The following COL23A1 variants were observed in gnomAD, a reference collection of about 807,000 sequenced individuals.
COL23A1 encodes the protein collagen type XXIII alpha 1 chain.
COL23A1 carries 97 observed loss-of-function variants against 99.3 expected under a neutral mutation model. That is an observed-to-expected ratio of 0.98 (90% CI 0.83 to 1.16). The LOEUF (loss-of-function observed/expected upper bound fraction) is 1.16. Ranked by LOEUF, COL23A1 falls within the 50% of genes most tolerant of loss-of-function variation. The pLI is 0.00. For synonymous variants in COL23A1, 320 were observed against 308.2 expected (o/e 1.04, Z -0.40); for missense variants, 762 against 757.4 (o/e 1.01, Z -0.07).
Position 178,391,229 on chromosome 5 carries a change from T to C in COL23A1, c.362-84310A>G, listed in dbSNP as rs114340587. On this transcript the variant is annotated intron_variant, in intron 2 of 28. Coordinates refer to ENST00000390654, the MANE Select transcript of COL23A1 (RefSeq NM_173465.4). ...ACCCTTGTCTGTGGAAAAATTGTTT[T>C]CCACGAAACCAGTCCATGGCACCAA... Among the ~76,000 whole-genome samples the C allele has an allele frequency of 4.8e-3, 730 of 152,304 alleles. 10 individuals are homozygous for C. The highest frequency in any genetic ancestry group is 0.017 in the African/African-American group (691 of 41,560).
chr5:178,255,178 G>A lies in COL23A1; in HGVS notation c.883-152C>T, dbSNP rs1765237971. On this transcript the variant is annotated intron_variant, in intron 15 of 28. Coordinates refer to ENST00000390654, the MANE Select transcript of COL23A1 (RefSeq NM_173465.4). This position sits in a 1 kb window ranked among gnomAD's most constrained non-coding sequence, Gnocchi z 4.2. ...CATGCCCCTCCCCAGGGTGGATGGA[G>A]GGAACGGGAGGCAGGCCCTGTGGCC... The A allele has an allele frequency of 3.1e-6, 2 of 655,476 alleles. No individual in the cohort carries two copies. The highest frequency in any genetic ancestry group is 3.5e-5 in the South Asian group (2 of 57,138). The allele number at this position is 655,476 out of a possible 1,614,324, so 40.6% of individuals were successfully genotyped here. A position where few individuals can be genotyped will look rare whatever the true frequency, so the allele number is the denominator to read the frequency against.
intron 2 of COL23A1, among the ~76,000 whole-genome samples, chr5:178,376,691 C>T (rs1763088463): frequency 6.6e-6 from 1 of 152,212 alleles, no homozygotes; most frequent in Non-Finnish European, 1.5e-5. Context: ...GGCCACACAG[C>T]TAGGAGACAG....
chr5:178,343,323 G>T (rs1192476893), intron 2 of COL23A1, among the ~76,000 whole-genome samples: 1 of 152,128 alleles, frequency 6.6e-6, no homozygotes, highest in Non-Finnish European at 1.5e-5. Context: ...GGAGATCCTG[G>T]GACACGAGGG....
intron 2 of COL23A1, among the ~76,000 whole-genome samples, chr5:178,399,568 AC>A (rs1455718946): frequency 6.6e-6 from 1 of 152,216 alleles, no homozygotes; most frequent in African/African-American, 2.4e-5. Flanking sequence ...ACGCCCCTGC[AC>A]GGGGGAAAGC....
chr5:178,401,471 A>G (rs913562286), intron 2 of COL23A1, among the ~76,000 whole-genome samples: 8 of 152,200 alleles, frequency 5.3e-5, no homozygotes, highest in African/African-American at 1.9e-4. Flanking sequence ...AGATCCACCC[A>G]TGTGGTGTGT....
chr5:178,515,925 C>A (rs979031342), intron 2 of COL23A1, among the ~76,000 whole-genome samples: 1 of 152,136 alleles, frequency 6.6e-6, no homozygotes, highest in Non-Finnish European at 1.5e-5. Flanking sequence ...CGGGGTCACC[C>A]GGGCCTTCGC....
intron 2 of COL23A1, among the ~76,000 whole-genome samples, chr5:178,327,343 G>C (rs531021617): frequency 5.2e-4 from 79 of 152,298 alleles, no homozygotes; most frequent in Non-Finnish European, 4.4e-4. Flanking sequence ...GTCGGGAAAC[G>C]GGCGCTGATG....
At chr5:178,532,950 C>T (rs1377446326) in intron 2 of COL23A1, among the ~76,000 whole-genome samples, 4 of 152,192 alleles carry the variant, frequency 2.6e-5, no homozygotes, top group African/African-American at 4.8e-5. Flanking sequence ...GTGGAATCAA[C>T]AGCTGTTGGT....
chr5:178,472,079 C>A (rs1756784927), intron 2 of COL23A1, among the ~76,000 whole-genome samples: 1 of 152,184 alleles, frequency 6.6e-6, no homozygotes, highest in African/African-American at 2.4e-5. Context: ...ATGGCTTGAC[C>A]TGGGGAGGTC....
intron 2 of COL23A1, among the ~76,000 whole-genome samples, chr5:178,486,381 A>T (rs1299618078): frequency 6.6e-6 from 1 of 152,222 alleles, no homozygotes; most frequent in East Asian, 1.9e-4. Flanking sequence ...AGCATAAGTA[A>T]GATCCAGCGC....
chr5:178,584,172 G>A (rs1763800752), intron 1 of COL23A1, among the ~76,000 whole-genome samples: 1 of 152,066 alleles, frequency 6.6e-6, no homozygotes, highest in Non-Finnish European at 1.5e-5. Flanking sequence ...ACCATGCCTG[G>A]CTAAATTTGG....
chr5:178,507,954 A>T (rs1195415575), intron 2 of COL23A1, among the ~76,000 whole-genome samples: 1 of 152,108 alleles, frequency 6.6e-6, no homozygotes, highest in Non-Finnish European at 1.5e-5. Flanking sequence ...TGATGACACA[A>T]ATGTTAGATC....
chr5:178,426,152 T>C (rs964078375), intron 2 of COL23A1, among the ~76,000 whole-genome samples: 2 of 152,180 alleles, frequency 1.3e-5, no homozygotes, highest in African/African-American at 4.8e-5. Context: ...TGTATACAAA[T>C]AATTATTTCA....
At chr5:178,274,308 G>C (rs1447530753) in intron 5 of COL23A1, among the ~76,000 whole-genome samples, 3 of 152,220 alleles carry the variant, frequency 2.0e-5, no homozygotes, top group Admixed American at 1.3e-4. Flanking sequence ...CTGGTGGAGT[G>C]GGGGCTGAGC....
chr5:178,444,515 CTG>C (rs1767053540), intron 2 of COL23A1, among the ~76,000 whole-genome samples: 1 of 152,122 alleles, frequency 6.6e-6, no homozygotes, highest in Non-Finnish European at 1.5e-5. Context: ...CAGGACAAGA[CTG>C]GGTGTGGTGG....
chr5:178,583,812 C>T (rs1366933389), intron 1 of COL23A1, among the ~76,000 whole-genome samples: 4 of 152,184 alleles, frequency 2.6e-5, no homozygotes, highest in Non-Finnish European at 5.9e-5. Context: ...TACACAGACA[C>T]TAGCCTGGAC....
chr5:178,566,247 G>A (rs1462032248), intron 1 of COL23A1, among the ~76,000 whole-genome samples: 1 of 152,136 alleles, frequency 6.6e-6, no homozygotes, highest in Non-Finnish European at 1.5e-5. Context: ...TAACTACAAG[G>A]GCAGCATGGA....
intron 2 of COL23A1, among the ~76,000 whole-genome samples, chr5:178,430,649 G>A (rs1766210167): frequency 6.6e-6 from 1 of 152,166 alleles, no homozygotes; most frequent in Non-Finnish European, 1.5e-5. Flanking sequence ...ACTGAGAAAG[G>A]AAACTAACAA....
At chr5:178,320,270 G>C (rs1025726596) in intron 2 of COL23A1, among the ~76,000 whole-genome samples, 5 of 152,228 alleles carry the variant, frequency 3.3e-5, no homozygotes, top group African/African-American at 1.2e-4. Context: ...CAGCCCCTGA[G>C]TGGGGCCATT....
Sources: gnomAD v4.1 joint callset for allele counts (sites outside exome capture counted in the v4.1 genomes callset) on GRCh38, gnomAD v4.1.1 for gene constraint, Gnocchi (gnomAD v3.1) non-coding constraint, MANE v1.5 for transcripts, NCBI Gene and HGNC (gene_info 2026-07-23, HGNC 2026-07-21) for gene names.